Variants in RNF38 observed in about 807,000 individuals in gnomAD.
RNF38 encodes the protein ring finger protein 38.
A neutral mutation model predicts 67.2 loss-of-function variants in RNF38; 15 were observed. The ratio of observed to expected loss-of-function variants is 0.22; its 90% confidence interval spans 0.15 to 0.34. The LOEUF is 0.34. RNF38 is among the 10% of genes least tolerant of loss of function. The pLI, the probability that RNF38 is intolerant of heterozygous loss-of-function variation, is 1.00. For missense variants in RNF38, 524 were observed against 639.9 expected (o/e 0.82, Z 1.95); for synonymous variants, 220 against 218.8 (o/e 1.01, Z -0.05).
chr9:36,442,047 T>G (rs1839203640), intron 1 of RNF38, among the ~76,000 whole-genome samples: 1 of 152,142 alleles, frequency 6.6e-6, no homozygotes, highest in South Asian at 2.1e-4. Flanking sequence ...ATAGGAACCA[T>G]CAATAGCTTC....
intron 3 of RNF38, among the ~76,000 whole-genome samples, chr9:36,373,536 G>C (rs1835546323): frequency 6.6e-6 from 1 of 151,546 alleles, no homozygotes; most frequent in South Asian, 2.1e-4. Flanking sequence ...GGCCTTTGAG[G>C]GATCAATAAC....
At chr9:36,406,801 C>G (rs997027114) in intron 2 of RNF38, among the ~76,000 whole-genome samples, 15 of 152,198 alleles carry the variant, frequency 9.9e-5, no homozygotes, top group Non-Finnish European at 1.8e-4. Flanking sequence ...TTCCCTGAAG[C>G]TAGCTTTGCT....
At chr9:36,471,213 A>G (rs1452308078) in intron 1 of RNF38, among the ~76,000 whole-genome samples, 1 of 152,152 alleles carries the variant, frequency 6.6e-6, no homozygotes, top group Non-Finnish European at 1.5e-5. Context: ...TGAGGCCCAT[A>G]TCCAATTTGA....
At chr9:36,467,195 G>T in intron 1 of RNF38, among the ~76,000 whole-genome samples, 1 of 19,720 alleles carries the variant, frequency 5.1e-5, no homozygotes, top group Admixed American at 6.1e-4. Flanking sequence ...AAAAACAACT[G>T]CAACTAATCT....
intron 8 of RNF38, among the ~76,000 whole-genome samples, chr9:36,351,521 C>A (rs1482613860): frequency 6.6e-6 from 1 of 152,108 alleles, no homozygotes; most frequent in Non-Finnish European, 1.5e-5. Context: ...TAAAAACTCA[C>A]ATGCTGATTT....
chr9:36,400,172 A>G lies in RNF38; in HGVS notation c.-64T>C, dbSNP rs931727080. 4.4e-6 allele frequency: 7 copies of G among 1,598,472 alleles called. No homozygotes were observed. In the African/African-American group the frequency reaches 9.5e-5, roughly 22 times the overall value. On this transcript the variant is annotated 5_prime_UTR_variant, in exon 1 of 12. Coordinates refer to ENST00000259605, the MANE Select transcript of RNF38 (RefSeq NM_022781.5). ...AATAACCTGAAACACTCCCGTTTCAAAAACCAACCTCTCTCACGCTTCAAC... is the reference window on the plus strand; with the variant it reads ...AATAACCTGAAACACTCCCGTTTCAGAAACCAACCTCTCTCACGCTTCAAC...
chr9:36,444,482 T>C (rs1209448210), intron 1 of RNF38, among the ~76,000 whole-genome samples: 1 of 151,792 alleles, frequency 6.6e-6, no homozygotes, highest in Non-Finnish European at 1.5e-5. Context: ...AAAATAAGAG[T>C]GATTAACAGG....
intron 1 of RNF38, among the ~76,000 whole-genome samples, chr9:36,476,184 G>A (rs1195251193): frequency 1.3e-5 from 2 of 152,084 alleles, no homozygotes; most frequent in African/African-American, 2.4e-5. Flanking sequence ...GAGTGCAGTG[G>A]CGTGATCTCG....
chr9:36,366,548 C>G (rs1190639834), intron 4 of RNF38, among the ~76,000 whole-genome samples: 3 of 152,028 alleles, frequency 2.0e-5, no homozygotes, highest in African/African-American at 7.2e-5. Context: ...TAACAATTAC[C>G]TAAGATGCTT....
intron 11 of RNF38, 85 bp from the exon 12 acceptor site, chr9:36,339,899 A>C (rs1832717847): frequency 8.9e-7 from 1 of 1,123,764 alleles, no homozygotes; most frequent in Non-Finnish European, 1.3e-6. Context: ...TTTACTTCCC[A>C]CAGTTTTTAC....
intron 2 of RNF38, among the ~76,000 whole-genome samples, chr9:36,414,582 A>G (rs1239238060): frequency 6.6e-6 from 1 of 150,538 alleles, no homozygotes; most frequent in Admixed American, 6.7e-5. Context: ...GCTACTCGGG[A>G]GGCTGAGGCA....
chr9:36,461,781 A>G (rs1257882511), intron 1 of RNF38, among the ~76,000 whole-genome samples: 1 of 146,076 alleles, frequency 6.8e-6, no homozygotes, highest in Admixed American at 6.7e-5. Flanking sequence ...TCCTGGTTTA[A>G]GCATTTCCGA....
chr9:36,444,250 A>G (rs182049487), intron 1 of RNF38, among the ~76,000 whole-genome samples: 127 of 152,306 alleles, frequency 8.3e-4, no homozygotes, highest in Non-Finnish European at 1.4e-3. Flanking sequence ...AAAGATCAGG[A>G]TAGAACAGTT....
exon 2 of RNF38, chr9:36,424,639 G>A: frequency 6.1e-6 from 6 of 985,674 alleles, no homozygotes; most frequent in Non-Finnish European, 7.2e-6. Context: ...TGACAAATGT[G>A]GTCGTGATGG....
intron 1 of RNF38, among the ~76,000 whole-genome samples, chr9:36,396,568 G>T (rs1264928806): frequency 6.6e-6 from 1 of 152,086 alleles, no homozygotes; most frequent in East Asian, 1.9e-4. Context: ...TGGAGCAGGG[G>T]TACTCAAAGT....
At chr9:36,415,986 C>T (rs1485810531) in intron 2 of RNF38, among the ~76,000 whole-genome samples, 2 of 151,704 alleles carry the variant, frequency 1.3e-5, no homozygotes, top group African/African-American at 4.8e-5. Flanking sequence ...TGCAGTAGTA[C>T]GGGGCGGGGG....
At chr9:36,393,475 C>CAT (rs1554689536) in intron 1 of RNF38, among the ~76,000 whole-genome samples, 1 of 112,548 alleles carries the variant, frequency 8.9e-6, no homozygotes, top group Non-Finnish European at 1.9e-5. Flanking sequence ...CACACACACA[C>CAT]ATTGTGTGTG....
intron 2 of RNF38, among the ~76,000 whole-genome samples, chr9:36,413,626 A>G (rs544407139): frequency 2.0e-5 from 3 of 152,304 alleles, no homozygotes; most frequent in Admixed American, 6.5e-5. Context: ...TGTGTCACCT[A>G]TGGTTTCTTT....
upstream of RNF38, chr9:36,400,945 G>C (rs971298084): frequency 1.0e-6 from 1 of 982,920 alleles, no homozygotes; most frequent in Non-Finnish European, 1.2e-6. Flanking sequence ...CCCCGCCTCG[G>C]CGATCACAGA....
Sources: allele counts gnomAD v4.1 joint callset (sites outside exome capture counted in the v4.1 genomes callset), GRCh38; gene constraint gnomAD v4.1.1; transcripts MANE v1.5; gene names NCBI Gene and HGNC (gene_info 2026-07-23, HGNC 2026-07-21).